Variants in GRM7 observed in about 807,000 individuals in gnomAD.
GRM7 encodes the protein metabotropic glutamate receptor 7.
GRM7 carries 35 observed loss-of-function variants against 84.5 expected under a neutral mutation model. That is an observed-to-expected ratio of 0.41 (90% CI 0.32 to 0.55). GRM7 has a LOEUF of 0.55. Ranked by LOEUF, GRM7 falls within the 20% of genes least tolerant of loss-of-function variation. GRM7 has a pLI of 0.19. For missense variants in GRM7, 1,003 were observed against 1,194.6 expected, an observed-to-expected ratio of 0.84 and a Z score of 2.36; for synonymous variants, 487 against 455.1, an observed-to-expected ratio of 1.07 and a Z score of -0.89.
intron 1 of GRM7, among the ~76,000 whole-genome samples, chr3:7,140,606 G>A (rs974744147): frequency 1.3e-5 from 2 of 151,876 alleles, no homozygotes; most frequent in African/African-American, 4.8e-5. Flanking sequence ...ATAAAATAAT[G>A]TATTACAGCT....
intron 1 of GRM7, among the ~76,000 whole-genome samples, chr3:6,973,618 A>C (rs1457173801): frequency 6.6e-6 from 1 of 152,210 alleles, no homozygotes; most frequent in African/African-American, 2.4e-5. Flanking sequence ...TGATAGAGTG[A>C]TATTTTGGTG....
chr3:6,896,111 A>C (rs1383742913), intron 1 of GRM7, among the ~76,000 whole-genome samples: 1 of 152,152 alleles, frequency 6.6e-6, no homozygotes, highest in Non-Finnish European at 1.5e-5. Flanking sequence ...TTTTTTCTTC[A>C]TCAGTTTGTT....
chr3:7,131,707 G>T (rs1220282557), intron 1 of GRM7, among the ~76,000 whole-genome samples: 1 of 152,050 alleles, frequency 6.6e-6, no homozygotes, highest in Admixed American at 6.6e-5. Context: ...TCGATCTCTT[G>T]ACCTCGTGAT....
chr3:7,235,125 C>A (rs983555643), intron 2 of GRM7, among the ~76,000 whole-genome samples: 10 of 152,122 alleles, frequency 6.6e-5, no homozygotes, highest in Non-Finnish European at 1.5e-4. Context: ...TAGAGCTTTC[C>A]ACATTAAACC....
At chr3:7,166,141 T>G (rs1436658307) in intron 2 of GRM7, among the ~76,000 whole-genome samples, 2 of 152,312 alleles carry the variant, frequency 1.3e-5, no homozygotes, top group East Asian at 1.9e-4. Context: ...TAACTAATAG[T>G]CTCTCCTCTT....
chr3:6,921,204 G>T, intron 1 of GRM7, among the ~76,000 whole-genome samples: 1 of 152,178 alleles, frequency 6.6e-6, no homozygotes, highest in East Asian at 1.9e-4. Flanking sequence ...AACTTGTTTG[G>T]CTTGGGAGCA....
At chr3:7,363,929 C>A (rs1288481637) in intron 4 of GRM7, among the ~76,000 whole-genome samples, 1 of 151,906 alleles carries the variant, frequency 6.6e-6, no homozygotes, top group Non-Finnish European at 1.5e-5. Context: ...TGTTTACATT[C>A]TTTGTCAATT....
chr3:6,985,565 C>G (rs537176079), intron 1 of GRM7, among the ~76,000 whole-genome samples: 37 of 152,272 alleles, frequency 2.4e-4, no homozygotes, highest in African/African-American at 8.7e-4. Flanking sequence ...CCTGATGGAT[C>G]TTGTGTTATA....
chr3:7,482,225 A>T (rs1428869562), intron 7 of GRM7, among the ~76,000 whole-genome samples: 1 of 152,130 alleles, frequency 6.6e-6, no homozygotes, highest in African/African-American at 2.4e-5. Context: ...ACAGAAATGA[A>T]TATTTCACAC....
At chr3:7,347,653 A>G (rs1438725296) in intron 4 of GRM7, among the ~76,000 whole-genome samples, 1 of 152,124 alleles carries the variant, frequency 6.6e-6, no homozygotes, top group East Asian at 1.9e-4. Context: ...GCTTTCCCAA[A>G]TTTGCCTTTG....
intron 9 of GRM7, among the ~76,000 whole-genome samples, chr3:7,737,068 G>A (rs1016336371): frequency 6.6e-6 from 1 of 152,110 alleles, no homozygotes; most frequent in East Asian, 1.9e-4. Flanking sequence ...GGTTACGCGT[G>A]TTCCATAGAA....
At chr3:6,992,049 G>A (rs935955095) in intron 1 of GRM7, among the ~76,000 whole-genome samples, 5 of 152,158 alleles carry the variant, frequency 3.3e-5, no homozygotes, top group Admixed American at 2.0e-4. Flanking sequence ...TAATTTATAC[G>A]TTAGTCACAG....
chr3:7,627,353 G>A (rs1469736007), intron 8 of GRM7, among the ~76,000 whole-genome samples: 1 of 152,152 alleles, frequency 6.6e-6, no homozygotes, highest in South Asian at 2.1e-4. Context: ...TTCTGCAGAT[G>A]TAGAACAGAG....
intron 2 of GRM7, among the ~76,000 whole-genome samples, chr3:7,278,521 C>G (rs1449236589): frequency 2.0e-5 from 3 of 152,012 alleles, no homozygotes; most frequent in African/African-American, 7.2e-5. Flanking sequence ...ACATTTTCTT[C>G]TTTTTAATTT....
At chr3:7,605,874 G>T (rs1052286525) in intron 8 of GRM7, among the ~76,000 whole-genome samples, 2 of 152,174 alleles carry the variant, frequency 1.3e-5, no homozygotes. Context: ...CTTTGCTATT[G>T]TAGTGCAAAT....
At chr3:7,423,243 C>T (rs779573626) in intron 5 of GRM7, among the ~76,000 whole-genome samples, 7 of 152,172 alleles carry the variant, frequency 4.6e-5, no homozygotes, top group Non-Finnish European at 5.9e-5. Context: ...GAAACACCAA[C>T]TTGAAATCCC....
intron 1 of GRM7, among the ~76,000 whole-genome samples, chr3:6,931,935 A>C (rs1232107727): frequency 6.6e-6 from 1 of 152,194 alleles, no homozygotes; most frequent in Non-Finnish European, 1.5e-5. Flanking sequence ...CGATTAAGTA[A>C]ATTATTATGA....
At chr3:7,723,686 C>T (rs1702028126) in intron 9 of GRM7, among the ~76,000 whole-genome samples, 1 of 151,982 alleles carries the variant, frequency 6.6e-6, no homozygotes, top group African/African-American at 2.4e-5. Context: ...CCCATCTCTA[C>T]AACAAATTTA....
At chr3:6,926,419 A>T (rs1456950427) in intron 1 of GRM7, among the ~76,000 whole-genome samples, 4 of 152,234 alleles carry the variant, frequency 2.6e-5, no homozygotes, top group African/African-American at 4.8e-5. Context: ...TTATTACCTG[A>T]CAATAATTTT....
Sources: gnomAD v4.1 joint callset for allele counts (sites outside exome capture counted in the v4.1 genomes callset) on GRCh38, gnomAD v4.1.1 for gene constraint, MANE v1.5 for transcripts, NCBI Gene and HGNC (gene_info 2026-07-23, HGNC 2026-07-21) for gene names.